Variants in NPAS4 observed in about 807,000 individuals in gnomAD.
NPAS4 encodes neuronal PAS domain protein 4.
A neutral mutation model predicts 64.0 loss-of-function variants in NPAS4; 10 were observed. The observed-to-expected ratio is 0.16, with a 90% CI of 0.10 to 0.26. The LOEUF (loss-of-function observed/expected upper bound fraction) is 0.26, where lower values mean the gene tolerates loss of function less well. Ranked by LOEUF, NPAS4 falls within the 10% of genes least tolerant of loss-of-function variation. The pLI, the probability that NPAS4 is intolerant of heterozygous loss-of-function variation, is 1.00. For missense variants in NPAS4, 886 were observed against 992.6 expected, an observed-to-expected ratio of 0.89 and a Z score of 1.44; for synonymous variants, 441 against 411.7, an observed-to-expected ratio of 1.07 and a Z score of -0.86.
chr11:66,416,330 G>A (rs77498041), upstream of NPAS4, among the ~76,000 whole-genome samples: 18,894 of 152,074 alleles, frequency 0.12, 1,504 homozygotes, highest in Non-Finnish European at 0.18. Context: ...TTCCAAGCTC[G>A]AGCCCCAAGT....
Position 66,421,864 on chromosome 11 carries a change from TG to T in NPAS4, c.176-254del, listed in dbSNP as rs1300434729. Among the ~76,000 whole-genome samples, 20 of 152,242 alleles carry T rather than the reference TG, an allele frequency of 1.3e-4. No individual in the cohort carries two copies. In the East Asian group the frequency reaches 3.9e-3, roughly 29 times the overall value. On this transcript the variant is annotated intron_variant, in intron 1 of 7. Transcript: ENST00000311034. Reference sequence around the variant, plus strand: ...GCGGTTCTGAAATTCAGAGCCGCTTTGGAGCTCTGTCCGCGGTTCTGAAATT... The same window carrying T: ...GCGGTTCTGAAATTCAGAGCCGCTTTGAGCTCTGTCCGCGGTTCTGAAATT...
chr11:66,424,230 A>T lies in NPAS4; in HGVS notation c.1340A>T (p.His447Leu). 1.2e-6 allele frequency: 2 copies of T among 1,613,722 alleles called. No homozygotes were observed. Among genetic ancestry groups the T allele is most frequent in the Non-Finnish European group, 1.7e-6 (2 of 1,179,940 alleles). Residue 447 changes from histidine to leucine, a missense_variant, in exon 7 of 8, where the codon CAT becomes CTT. Physicochemically the swap from His to Leu is moderately conservative, Grantham distance 99 (BLOSUM62 -3). This residue lies in a region of NPAS4 where 820 missense variants were observed against 855.5 expected (regional missense o/e 0.96). Transcript: ENST00000311034. ...AGCCTCCATGAGCCCTTCCAGACCCATTTGCCCACCCCATCCAGCACTCTT... is the reference window on the plus strand; with the variant it reads ...AGCCTCCATGAGCCCTTCCAGACCCTTTTGCCCACCCCATCCAGCACTCTT... ...LFSLHEPFQT[H>L]LPTPSSTLQE...
At chr11:66,417,813 CAAAA>C (rs141187752), upstream of NPAS4, among the ~76,000 whole-genome samples, 1 of 143,510 alleles carries the variant, frequency 7.0e-6, no homozygotes, top group African/African-American at 2.6e-5. Flanking sequence ...AAGTTGGAGA[CAAAA>C]AAAAAAGACA....
At chr11:66,417,199 A>C (rs1477358833), upstream of NPAS4, 1 of 152,062 alleles carries the variant, frequency 6.6e-6, no homozygotes, top group African/African-American at 2.4e-5. Flanking sequence ...AACAGATGCG[A>C]GCTCGTCTCA....
At chr11:66,411,098 C>T in the NPAS4 span, 1 of 152,348 alleles carries the variant, frequency 6.6e-6, no homozygotes, top group Admixed American at 6.5e-5. Context: ...GCCAGGTCTC[C>T]AGGGTCCCTG....
At chr11:66,416,858 A>G (rs2134635898), upstream of NPAS4, 1 of 152,222 alleles carries the variant, frequency 6.6e-6, no homozygotes, top group Non-Finnish European at 1.5e-5. Context: ...CTTGCTCCAA[A>G]TCTCCAGACT....
At chr11:66,422,059 C>A in intron 1 of NPAS4, 61 bp from the exon 2 acceptor site, 1 of 1,468,584 alleles carries the variant, frequency 6.8e-7, no homozygotes, top group African/African-American at 1.4e-5. Context: ...ACCATGCCTT[C>A]CTCACTTCTT....
chr11:66,424,584 A>C lies in NPAS4; in HGVS notation c.1694A>C (p.Glu565Ala). The C allele has an allele frequency of 6.2e-7, 1 of 1,614,206 alleles. No individual in the cohort carries two copies. Among genetic ancestry groups the C allele is most frequent in the Non-Finnish European group, 8.5e-7 (1 of 1,180,036 alleles). Reference protein sequence around the residue: ...PNPTKTYFAQEGCSFLYEKLP... With the variant: ...PNPTKTYFAQAGCSFLYEKLP... ...CCTACCAAGACTTACTTTGCCCAGG[A>C]GGGATGCAGTTTTCTCTATGAGAAG... The change falls in exon 7 of 8, where the codon GAG (glutamate) becomes GCG (alanine). Residue 565 changes from glutamate to alanine, a missense_variant. By Grantham distance (107) the Glu-to-Ala change is moderately radical. Transcript: ENST00000311034.
chr11:66,422,874 T>C lies in NPAS4; in HGVS notation c.631T>C (p.Ser211Pro), dbSNP rs1856769773. 2 of 1,611,630 alleles carry C rather than the reference T, an allele frequency of 1.2e-6. No homozygotes were observed. The highest frequency in any genetic ancestry group is 2.2e-5 in the South Asian group (2 of 91,030). Reference protein sequence around the residue: ...PGPGPGPGPASLFLAMFQSRH... With the variant: ...PGPGPGPGPAPLFLAMFQSRH... The stretch of plus-strand genomic sequence containing the variant: ...TCCTGGCCCTGGCCCTGGCCCTGCC[T>C]CGCTCTTCCTGGCCATGTTCCAGAG... The change falls in exon 4 of 8, where the codon TCG (serine) becomes CCG (proline). Residue 211 changes from serine to proline, a missense_variant. Ser to Pro is a moderately conservative substitution (Grantham distance 74, BLOSUM62 -1). Around this residue, in one of 3 missense-constraint regions of NPAS4, gnomAD observed 820 missense variants for 855.5 expected, o/e 0.96. Coordinates refer to ENST00000311034, the MANE Select transcript of NPAS4 (RefSeq NM_178864.4).
intron 1 of NPAS4, among the ~76,000 whole-genome samples, chr11:66,421,876 C>T (rs1322320934): frequency 1.3e-5 from 2 of 152,174 alleles, no homozygotes; most frequent in African/African-American, 2.4e-5. Flanking sequence ...GAGCTCTGTC[C>T]GCGGTTCTGA....
chr11:66,423,467 C>A, intron 5 of NPAS4, 111 bp from the exon 6 acceptor site: 1 of 1,319,250 alleles, frequency 7.6e-7, no homozygotes. Flanking sequence ...TGAGGGTAGT[C>A]AGAAGAGAGG....
intron 5 of NPAS4, 75 bp from the exon 6 acceptor site, chr11:66,423,503 G>T (rs1856786188): frequency 6.4e-7 from 1 of 1,556,290 alleles, no homozygotes; most frequent in Non-Finnish European, 8.8e-7. Flanking sequence ...CAATTCAGTG[G>T]AGAGGTGACC....
At chr11:66,422,619 C>A in intron 3 of NPAS4, 55 bp from the exon 4 acceptor site, 1 of 1,605,028 alleles carries the variant, frequency 6.2e-7, no homozygotes, top group Non-Finnish European at 8.5e-7. Flanking sequence ...CCACCATCCA[C>A]TGTCTCTCTC....
Position 66,422,881 on chromosome 11 carries a change from T to A in NPAS4, c.638T>A (p.Phe213Tyr). 6.2e-7 allele frequency: 1 copy of A among 1,611,362 alleles called. No individual in the cohort carries two copies. The highest frequency in any genetic ancestry group is 1.3e-5 in the African/African-American group (1 of 75,040). Residue 213 changes from phenylalanine (F) to tyrosine (Y), a missense_variant, in exon 4 of 8, where the codon TTC becomes TAC. Around this residue, in one of 3 missense-constraint regions of NPAS4, gnomAD observed 820 missense variants for 855.5 expected, o/e 0.96. Coordinates refer to ENST00000311034, the MANE Select transcript of NPAS4 (RefSeq NM_178864.4). ...PGPGPGPASLFLAMFQSRHAK... is the reference protein window; with the variant it reads ...PGPGPGPASLYLAMFQSRHAK... ...CCTGGCCCTGGCCCTGCCTCGCTCT[T>A]CCTGGCCATGTTCCAGAGCCGCCAT...
Position 66,424,234 on chromosome 11 carries a change from G to T in NPAS4, c.1344G>T (p.Leu448Phe), listed in dbSNP as rs1488511647. The change falls in exon 7 of 8, where the codon TTG (leucine) becomes TTT (phenylalanine). Residue 448 changes from leucine (L) to phenylalanine (F), a missense_variant. Around this residue, in one of 3 missense-constraint regions of NPAS4, gnomAD observed 820 missense variants for 855.5 expected, o/e 0.96. Coordinates refer to ENST00000311034, the MANE Select transcript of NPAS4 (RefSeq NM_178864.4). The stretch of plus-strand genomic sequence containing the variant: ...TCCATGAGCCCTTCCAGACCCATTT[G>T]CCCACCCCATCCAGCACTCTTCAAG... ...FSLHEPFQTH[L>F]PTPSSTLQEQ... 6.2e-7 allele frequency: 1 copy of T among 1,613,934 alleles called. No homozygotes were observed. The highest frequency in any genetic ancestry group is 8.5e-7 in the Non-Finnish European group (1 of 1,179,990).
At chr11:66,420,332 C>A (rs1856721068), upstream of NPAS4, among the ~76,000 whole-genome samples, 1 of 152,230 alleles carries the variant, frequency 6.6e-6, no homozygotes, top group South Asian at 2.1e-4. Flanking sequence ...CAGCTGGTCC[C>A]TTTCCCACCG....
At chr11:66,419,535 G>A (rs954262630), upstream of NPAS4, among the ~76,000 whole-genome samples, 4 of 152,140 alleles carry the variant, frequency 2.6e-5, no homozygotes, top group African/African-American at 9.7e-5. Context: ...CCACTTAAGT[G>A]ATTCCATGCG....
At position 66,424,212 on chromosome 11, in the gene NPAS4, A is replaced by G; in HGVS notation, c.1322A>G (p.His441Arg). 6.2e-7 allele frequency: 1 copy of G among 1,614,002 alleles called. No homozygotes were observed. Among genetic ancestry groups the G allele is most frequent in the East Asian group, 2.2e-5 (1 of 44,870 alleles). ...PGGCAFLFSL[H>R]EPFQTHLPTP... ...GGCTGTGCCTTCCTCTTCAGCCTCC[A>G]TGAGCCCTTCCAGACCCATTTGCCC... The change falls in exon 7 of 8, where the codon CAT (histidine) becomes CGT (arginine). Residue 441 changes from histidine to arginine, a missense_variant. Coordinates refer to ENST00000311034, the MANE Select transcript of NPAS4 (RefSeq NM_178864.4).
chr11:66,420,602 C>T (rs1397300902), upstream of NPAS4, among the ~76,000 whole-genome samples: 2 of 152,246 alleles, frequency 1.3e-5, no homozygotes, highest in African/African-American at 2.4e-5. Flanking sequence ...CTGTTCTTCC[C>T]CATTCCCTCA....
Sources: gnomAD v4.1 joint callset for allele counts (sites outside exome capture counted in the v4.1 genomes callset) on GRCh38, gnomAD v4.1.1 for gene constraint, gnomAD v4.1.1 regional missense constraint, MANE v1.5 for transcripts, NCBI Gene and HGNC (gene_info 2026-07-23, HGNC 2026-07-21) for gene names.